The following HCN4 variants were observed in gnomAD, a reference collection of about 807,000 sequenced individuals.
HCN4 encodes hyperpolarization activated cyclic nucleotide gated potassium channel 4, also known as potassium/sodium hyperpolarization-activated cyclic nucleotide-gated channel 4.
Under a neutral mutation model 76.9 loss-of-function variants are expected in HCN4, and 29 were observed. The observed-to-expected ratio is 0.38, with a 90% CI of 0.28 to 0.51. HCN4 has a LOEUF of 0.51. HCN4 is among the 20% of genes least tolerant of loss of function. The pLI is 0.90. For synonymous variants in HCN4, 772 were observed against 762.5 expected, an observed-to-expected ratio of 1.01 and a Z score of -0.21; for missense variants, 1,416 against 1,715.2, an observed-to-expected ratio of 0.83 and a Z score of 3.08.
chr15:73,320,054 A>C lies in HCN4; in HGVS notation c.*2427T>G, dbSNP rs903079047. 3.3e-5 allele frequency: 5 copies of C among 152,278 alleles called. No homozygotes were observed. The highest frequency in any genetic ancestry group is 1.2e-4 in the African/African-American group (5 of 41,402). The allele number at this position is 152,278 out of a possible 1,614,324, so 9.4% of individuals were successfully genotyped here. A position where few individuals can be genotyped will look rare whatever the true frequency, so the allele number is the denominator to read the frequency against. ...ATAAAATGCATGTGTGTGTAAGTAGAGAAGAGGGTGGTTAGGCCAGGCTCT... is the reference window on the plus strand; with the variant it reads ...ATAAAATGCATGTGTGTGTAAGTAGCGAAGAGGGTGGTTAGGCCAGGCTCT... On this transcript the variant is annotated 3_prime_UTR_variant, in exon 8 of 8. Transcript: ENST00000261917.
chr15:73,343,864 C>A lies in HCN4; in HGVS notation c.786-56G>T. On this transcript the variant is annotated intron_variant, in intron 1 of 7. Coordinates refer to ENST00000261917, the MANE Select transcript of HCN4 (RefSeq NM_005477.3). The surrounding 1 kb of genome is among the most constrained non-coding windows in gnomAD (Gnocchi z 5.7). ...GAAGAGAGAGAGGACAAGTTACAGA[C>A]TAAGGGAGGAAGATCTGAGGGACAG... is the stretch of plus-strand genomic sequence containing the variant. 1 of 1,575,386 alleles carries A rather than the reference C, an allele frequency of 6.3e-7. No individual in the cohort carries two copies. The highest frequency in any genetic ancestry group is 8.7e-7 in the Non-Finnish European group (1 of 1,146,960).
At chr15:73,324,053 C>A (rs1360930426) in intron 7 of HCN4, 36 bp downstream of exon 7, 2 of 1,608,472 alleles carry the variant, frequency 1.2e-6, no homozygotes, top group Non-Finnish European at 1.7e-6. Flanking sequence ...CCCCCAACAC[C>A]CCCCACCTGC....
At chr15:73,347,509 T>G (rs2043034808) in intron 1 of HCN4, among the ~76,000 whole-genome samples, 1 of 152,012 alleles carries the variant, frequency 6.6e-6, no homozygotes. Context: ...GTAGAGGAAG[T>G]AGCACACCTC....
At chr15:73,359,765 G>T (rs1041325457) in intron 1 of HCN4, among the ~76,000 whole-genome samples, 1 of 152,158 alleles carries the variant, frequency 6.6e-6, no homozygotes, top group Admixed American at 6.5e-5. Flanking sequence ...CACACACTGA[G>T]TCCTAAACCA....
chr15:73,333,151 G>A (rs2042942338), intron 2 of HCN4, among the ~76,000 whole-genome samples: 2 of 152,202 alleles, frequency 1.3e-5, no homozygotes, highest in Non-Finnish European at 2.9e-5. Flanking sequence ...CTGCAGTGTA[G>A]CTGGACAGGG....
Position 73,343,342 on chromosome 15 carries a change from G to A in HCN4, c.1209+43C>T. The A allele has an allele frequency of 6.3e-7, 1 of 1,578,528 alleles. No homozygotes were observed. Among genetic ancestry groups the A allele is most frequent in the Non-Finnish European group, 8.7e-7 (1 of 1,149,734 alleles). On this transcript the variant is annotated intron_variant, in intron 2 of 7. Transcript: ENST00000261917. This position sits in a 1 kb window ranked among gnomAD's most constrained non-coding sequence, Gnocchi z 5.7. ...CCTGCCAGTTCCTCACTCCCTCTGT[G>A]GGGAGTGGCCTTTCCCCCAAGAGGT...
intron 1 of HCN4, among the ~76,000 whole-genome samples, chr15:73,344,865 G>A (rs982238395): frequency 1.3e-5 from 2 of 152,162 alleles, no homozygotes; most frequent in Non-Finnish European, 2.9e-5. Context: ...TTATTCCCAG[G>A]GACCCTGCCC....
At chr15:73,332,812 A>C (rs2042940749) in intron 2 of HCN4, among the ~76,000 whole-genome samples, 1 of 152,206 alleles carries the variant, frequency 6.6e-6, no homozygotes, top group Non-Finnish European at 1.5e-5. Flanking sequence ...AAGTTCAGGC[A>C]GACCTTGATC....
chr15:73,364,180 C>A (rs2043118546), intron 1 of HCN4, among the ~76,000 whole-genome samples: 1 of 152,120 alleles, frequency 6.6e-6, no homozygotes, highest in South Asian at 2.1e-4. Context: ...CTTCTGCCTG[C>A]CTCCATTATT....
intron 1 of HCN4, among the ~76,000 whole-genome samples, chr15:73,344,470 T>G (rs2043021425): frequency 6.6e-6 from 1 of 152,130 alleles, no homozygotes; most frequent in Non-Finnish European, 1.5e-5. Context: ...CTTTAGTCCA[T>G]CCCCTATAAT....
chr15:73,337,644 C>T (rs987301406), intron 2 of HCN4, among the ~76,000 whole-genome samples: 57 of 152,308 alleles, frequency 3.7e-4, no homozygotes, highest in African/African-American at 1.3e-3. Flanking sequence ...GCAATGAACA[C>T]GGCACAGAGC....
intron 2 of HCN4, among the ~76,000 whole-genome samples, chr15:73,333,213 GT>G (rs2042942909): frequency 6.6e-6 from 1 of 152,168 alleles, no homozygotes; most frequent in Non-Finnish European, 1.5e-5. Flanking sequence ...CCATGCTGGG[GT>G]CCCCTTGCTG....
intron 1 of HCN4, among the ~76,000 whole-genome samples, chr15:73,361,247 G>A (rs1184693706): frequency 1.3e-5 from 2 of 152,144 alleles, no homozygotes; most frequent in African/African-American, 4.8e-5. Context: ...CCACCTCTCT[G>A]TGCTGCCTCC....
rs1318015269 is a variant in HCN4 at position 73,322,712 on chromosome 15, C to T, written c.3381G>A (p.Gly1127=). 5 of 1,566,184 alleles carry T rather than the reference C, an allele frequency of 3.2e-6. No homozygotes were observed. Among genetic ancestry groups the T allele is most frequent in the Middle Eastern group, 1.7e-4 (1 of 6,010 alleles). ...PLFPRAGGGS[G]GSGSSGGLGP... ...CGAGGCCCCCGCTGCTCCCACTGCC[C>T]CCGCTGCCACCCCCAGCCCTGGGGA... Residue 1127 remains glycine, a synonymous_variant, in exon 8 of 8, where the codon GGG becomes GGA. Transcript: ENST00000261917.
At chr15:73,329,479 G>T in intron 4 of HCN4, 94 bp downstream of exon 4, 1 of 1,144,922 alleles carries the variant, frequency 8.7e-7, no homozygotes, top group Non-Finnish European at 1.3e-6. Flanking sequence ...TGGGGTGGGA[G>T]CAGGGGGCGG....
chr15:73,322,715 G>T lies in HCN4; in HGVS notation c.3378C>A (p.Ser1126Arg). The T allele has an allele frequency of 6.4e-7, 1 of 1,566,472 alleles. No individual in the cohort carries two copies. The highest frequency in any genetic ancestry group is 8.7e-7 in the Non-Finnish European group (1 of 1,156,024). ...GGCCCCCGCTGCTCCCACTGCCCCC[G>T]CTGCCACCCCCAGCCCTGGGGAAGA... ...FPLFPRAGGG[S>R]GGSGSSGGLG... Residue 1126 changes from serine (S) to arginine (R), a missense_variant, in exon 8 of 8, where the codon AGC (serine) becomes AGA (arginine). Ser to Arg is a moderately radical substitution (Grantham distance 110). Coordinates refer to ENST00000261917, the MANE Select transcript of HCN4 (RefSeq NM_005477.3).
chr15:73,338,793 AC>A (rs1052908995), intron 2 of HCN4, among the ~76,000 whole-genome samples: 9 of 152,292 alleles, frequency 5.9e-5, no homozygotes, highest in African/African-American at 2.2e-4. Flanking sequence ...GAAGACAGCA[AC>A]CCCAGGCCTG....
At chr15:73,340,798 G>A (rs1463701700) in intron 2 of HCN4, among the ~76,000 whole-genome samples, 1 of 152,194 alleles carries the variant, frequency 6.6e-6, no homozygotes, top group Non-Finnish European at 1.5e-5. Flanking sequence ...ACTGAATGAA[G>A]TCCAGTCCCC....
At chr15:73,334,668 T>TGCCTCCCCACCACCACAACTCA (rs1264442991) in intron 2 of HCN4, among the ~76,000 whole-genome samples, 2 of 151,894 alleles carry the variant, frequency 1.3e-5, no homozygotes, top group African/African-American at 4.8e-5. Context: ...CCTCCACACC[T>TGCCTCCCCACCACCACAACTCA]GCCTCCCCAC....
Sources: gnomAD v4.1 joint callset for allele counts (sites outside exome capture counted in the v4.1 genomes callset) on GRCh38, gnomAD v4.1.1 for gene constraint, Gnocchi (gnomAD v3.1) non-coding constraint, MANE v1.5 for transcripts, NCBI Gene and HGNC (gene_info 2026-07-23, HGNC 2026-07-21) for gene names.